TNFAIP6: variants seen among roughly 807,000 people sequenced by gnomAD.
TNFAIP6 encodes the protein tumor necrosis factor-inducible gene 6 protein.
Under a neutral mutation model 33.7 loss-of-function variants are expected in TNFAIP6, and 36 were observed. The ratio of observed to expected loss-of-function variants is 1.07; its 90% CI spans 0.82 to 1.41. The LOEUF (loss-of-function observed/expected upper bound fraction) is 1.41. TNFAIP6 is among the 40% of genes most tolerant of loss of function. TNFAIP6 has a pLI of 0.00. For synonymous variants in TNFAIP6, 113 were observed against 112.8 expected, an observed-to-expected ratio of 1.00 and a Z score of -0.01; for missense variants, 273 against 331.9, an observed-to-expected ratio of 0.82 and a Z score of 1.38.
At chr2:151,361,650 A>C (rs1159476930) in intron 1 of TNFAIP6, among the ~76,000 whole-genome samples, 3 of 152,214 alleles carry the variant, frequency 2.0e-5, no homozygotes, top group Non-Finnish European at 2.9e-5. Context: ...AAGAAATTCA[A>C]AATATTCACT....
At chr2:151,370,890 G>T (rs1684805469) in intron 4 of TNFAIP6, among the ~76,000 whole-genome samples, 2 of 152,292 alleles carry the variant, frequency 1.3e-5, no homozygotes, top group Admixed American at 1.3e-4. Context: ...GGCCAACATG[G>T]CAAAACCCTG....
intron 4 of TNFAIP6, chr2:151,372,163 AAGG>A (rs1684826593): frequency 6.6e-6 from 1 of 152,196 alleles, no homozygotes; most frequent in Non-Finnish European, 1.5e-5. Flanking sequence ...CAGGTTGCCT[AAGG>A]AGGGGTGAAC....
At chr2:151,363,647 G>A (rs911533252) in intron 1 of TNFAIP6, among the ~76,000 whole-genome samples, 1 of 152,092 alleles carries the variant, frequency 6.6e-6, no homozygotes, top group Non-Finnish European at 1.5e-5. Context: ...GGGAGACAGA[G>A]AGACTCCGTC....
intron 1 of TNFAIP6, among the ~76,000 whole-genome samples, chr2:151,363,691 CCAAA>C (rs1684666158): frequency 6.6e-6 from 1 of 151,988 alleles, no homozygotes; most frequent in South Asian, 2.1e-4. Context: ...AACCAACCAA[CCAAA>C]CAAACAAAAA....
chr2:151,377,190 G>A (rs183306659), intron 5 of TNFAIP6, among the ~76,000 whole-genome samples: 4 of 147,080 alleles, frequency 2.7e-5, no homozygotes, highest in South Asian at 2.1e-4. Flanking sequence ...TTTTTTTTGA[G>A]AGTGAGTCTC....
intron 4 of TNFAIP6, chr2:151,371,879 G>A (rs901721905): frequency 3.9e-5 from 6 of 152,268 alleles, no homozygotes; most frequent in Admixed American, 1.3e-4. Context: ...ACAGGTGTGA[G>A]CCACCGCACC....
rs371468841 is a variant in TNFAIP6 at position 151,367,170 on chromosome 2, G to A, written c.394+953G>A. Among the ~76,000 whole-genome samples the A allele has an allele frequency of 2.7e-4, 41 of 152,210 alleles. No individual in the cohort carries two copies. In the East Asian group the frequency reaches 7.1e-3, roughly 26 times the overall value. ...TAACATTTGGAGAATAGTTTCTCAT[G>A]TCTGTAACTAACCTATATCTCAAAA... On this transcript the variant is annotated intron_variant, in intron 3 of 5. Coordinates refer to ENST00000243347, the MANE Select transcript of TNFAIP6 (RefSeq NM_007115.4).
intron 1 of TNFAIP6, among the ~76,000 whole-genome samples, chr2:151,362,236 A>G (rs566267914): frequency 1.3e-3 from 201 of 152,250 alleles, no homozygotes; most frequent in African/African-American, 4.1e-3. Flanking sequence ...ACTCAAAACA[A>G]TCCATTTAAA....
intron 5 of TNFAIP6, among the ~76,000 whole-genome samples, chr2:151,374,156 G>A (rs188330855): frequency 1.0e-3 from 152 of 152,248 alleles, no homozygotes; most frequent in Non-Finnish European, 1.6e-3. Context: ...AGACAGCAGG[G>A]ATCTTTTAAT....
rs761795000 is a variant in TNFAIP6, at chr2:151,373,617, T to C, written c.664+28T>C. On this transcript the variant is annotated intron_variant, in intron 5 of 5. Transcript: ENST00000243347. ...AAGGTTTTAAATTGAGGACCAAAAC[T>C]ATGATTTGTTTCTTTACAGTGTCCC... The C allele has an allele frequency of 9.2e-6, 13 of 1,417,872 alleles. No homozygotes were observed. In the South Asian group the frequency reaches 1.9e-4, roughly 21 times the overall value. The allele number at this position is 1,417,872 out of a possible 1,614,324, so 87.8% of individuals were successfully genotyped here.
At chr2:151,376,875 T>TTG (rs1327671187) in intron 5 of TNFAIP6, among the ~76,000 whole-genome samples, 4 of 149,294 alleles carry the variant, frequency 2.7e-5, no homozygotes, top group African/African-American at 9.8e-5. Context: ...CTTTTTTTTT[T>TTG]TTTTTTTTTT....
chr2:151,370,446 T>C (rs1684798257), intron 4 of TNFAIP6, among the ~76,000 whole-genome samples, 198 bp downstream of exon 4: 1 of 150,198 alleles, frequency 6.7e-6, no homozygotes, highest in African/African-American at 2.5e-5. Context: ...AGAGTGCCTT[T>C]TGATTATGGC....
At chr2:151,358,281 T>C (rs1279430866) in intron 1 of TNFAIP6, among the ~76,000 whole-genome samples, 1 of 152,216 alleles carries the variant, frequency 6.6e-6, no homozygotes, top group Non-Finnish European at 1.5e-5. Context: ...AAGTGAAAAA[T>C]GTTTCTCCTT....
intron 1 of TNFAIP6, among the ~76,000 whole-genome samples, chr2:151,361,140 A>G (rs1207230709): frequency 6.6e-6 from 1 of 151,912 alleles, no homozygotes; most frequent in East Asian, 1.9e-4. Flanking sequence ...TTGTGGCATG[A>G]TCTCTGCTCA....
At chr2:151,372,653 C>T (rs1383315404) in intron 4 of TNFAIP6, among the ~76,000 whole-genome samples, 2 of 152,302 alleles carry the variant, frequency 1.3e-5, no homozygotes, top group Non-Finnish European at 2.9e-5. Context: ...GACACAGTGG[C>T]TTATGCCCGT....
chr2:151,381,251 T>G (rs929058570), downstream of TNFAIP6, among the ~76,000 whole-genome samples: 1 of 152,072 alleles, frequency 6.6e-6, no homozygotes, highest in Non-Finnish European at 1.5e-5. Flanking sequence ...GCAGAGGATC[T>G]CTTGAGCTCA....
intron 5 of TNFAIP6, among the ~76,000 whole-genome samples, chr2:151,376,869 T>TG (rs1558902171): frequency 1.4e-5 from 2 of 147,006 alleles, no homozygotes; most frequent in Non-Finnish European, 3.0e-5. Context: ...TCTTTTCTTT[T>TG]TTTTTTTTTT....
At chr2:151,368,570 CAT>C (rs1684756860) in intron 3 of TNFAIP6, among the ~76,000 whole-genome samples, 2 of 151,608 alleles carry the variant, frequency 1.3e-5, no homozygotes, top group South Asian at 4.2e-4. Context: ...CAATTTATAA[CAT>C]ATTGAAATCT....
chr2:151,359,246 T>C (rs560673495), intron 1 of TNFAIP6, among the ~76,000 whole-genome samples: 1 of 152,116 alleles, frequency 6.6e-6, no homozygotes, highest in African/African-American at 2.4e-5. Context: ...TTAGAAACCA[T>C]TTAGGAAGGA....
Sources: allele counts gnomAD v4.1 joint callset (sites outside exome capture counted in the v4.1 genomes callset), GRCh38; gene constraint gnomAD v4.1.1; transcripts MANE v1.5; gene names NCBI Gene and HGNC (gene_info 2026-07-23, HGNC 2026-07-21).